CACNB4: variants seen among roughly 807,000 people sequenced by gnomAD.
CACNB4 encodes the protein calcium voltage-gated channel auxiliary subunit beta 4.
A neutral mutation model predicts 71.2 loss-of-function variants in CACNB4; 32 were observed. The observed-to-expected ratio is 0.45, with a 90% CI of 0.34 to 0.60. CACNB4 has a LOEUF of 0.60. CACNB4 is among the 20% of genes least tolerant of loss of function. The pLI is 0.01. For missense variants in CACNB4, 464 were observed against 647.9 expected (o/e 0.72, Z 3.08); for synonymous variants, 231 against 236.9 (o/e 0.97, Z 0.23).
At chr2:151,844,462 A>C (rs754457208) in intron 12 of CACNB4, among the ~76,000 whole-genome samples, 1 of 152,184 alleles carries the variant, frequency 6.6e-6, no homozygotes, top group Non-Finnish European at 1.5e-5. Flanking sequence ...AAGAGATCAT[A>C]TGGCCATGAG....
At chr2:151,959,455 T>C (rs2151690840) in intron 2 of CACNB4, among the ~76,000 whole-genome samples, 1 of 152,350 alleles carries the variant, frequency 6.6e-6, no homozygotes, top group East Asian at 1.9e-4. Context: ...GTCACTAAGT[T>C]AGACTCAAAT....
intron 2 of CACNB4, chr2:151,973,382 CT>C (rs1266078219): frequency 2.3e-6 from 1 of 427,490 alleles, no homozygotes; most frequent in Non-Finnish European, 4.2e-6. Context: ...GCAGTTACCC[CT>C]GGTGAGATCA....
chr2:151,876,730 T>TATA (rs1491169835), intron 4 of CACNB4, among the ~76,000 whole-genome samples, 174 bp from the exon 5 acceptor site: 4 of 65,896 alleles, frequency 6.1e-5, no homozygotes, highest in African/African-American at 1.9e-4. Context: ...TATACTATAC[T>TATA]ATAGACTATA....
intron 2 of CACNB4, among the ~76,000 whole-genome samples, chr2:152,065,145 G>A (rs1686237505): frequency 6.6e-6 from 1 of 152,186 alleles, no homozygotes; most frequent in African/African-American, 2.4e-5. Context: ...CACTTTGGGA[G>A]ACCGAGGTGG....
intron 2 of CACNB4, among the ~76,000 whole-genome samples, chr2:151,922,652 G>A (rs2099859265): frequency 6.6e-6 from 1 of 152,176 alleles, no homozygotes; most frequent in African/African-American, 2.4e-5. Context: ...GGGCTTATAT[G>A]ATTCATGACA....
At chr2:152,066,167 G>A (rs1392630421) in intron 2 of CACNB4, among the ~76,000 whole-genome samples, 3 of 152,056 alleles carry the variant, frequency 2.0e-5, no homozygotes, top group African/African-American at 7.2e-5. Flanking sequence ...ATTCAAACAG[G>A]TATAATCAGA....
intron 2 of CACNB4, among the ~76,000 whole-genome samples, chr2:151,985,801 G>A (rs1038119425): frequency 6.6e-6 from 1 of 151,770 alleles, no homozygotes; most frequent in Non-Finnish European, 1.5e-5. Flanking sequence ...CAGAGACTGT[G>A]GTGTTCATGT....
chr2:152,076,690 A>C (rs977797105), intron 2 of CACNB4, among the ~76,000 whole-genome samples: 2 of 146,920 alleles, frequency 1.4e-5, no homozygotes, highest in Admixed American at 7.0e-5. Flanking sequence ...TACCTCACTC[A>C]GCTGATAATA....
intron 2 of CACNB4, among the ~76,000 whole-genome samples, chr2:151,913,875 G>C (rs10189865): frequency 0.95 from 144,869 of 152,186 alleles, 69,361 homozygotes; most frequent in East Asian, 1. Context: ...CTTTGCAGGT[G>C]ACCTGGCCTT....
chr2:152,040,757 A>G (rs575719158), intron 2 of CACNB4, among the ~76,000 whole-genome samples: 15 of 152,346 alleles, frequency 9.8e-5, no homozygotes, highest in Non-Finnish European at 1.3e-4. Context: ...TTAAATTTAA[A>G]AAGAAGTTTT....
chr2:151,944,278 G>T (rs2099865021), intron 2 of CACNB4, among the ~76,000 whole-genome samples: 1 of 151,950 alleles, frequency 6.6e-6, no homozygotes, highest in Non-Finnish European at 1.5e-5. Context: ...GGCCTCAAGT[G>T]ATCCTCCCAC....
rs191260756 is a variant in CACNB4 at position 151,889,390 on chromosome 2, C to T, written c.148-6020G>A. On this transcript the variant is annotated intron_variant, in intron 2 of 13. Transcript: ENST00000539935. ...CTGAGACAGGAGAATTGTTTGAACC[C>T]AGGAGAAGGAGGTTGCAGTGAGCCG... Among the ~76,000 whole-genome samples the T allele has an allele frequency of 2.1e-4, 31 of 149,546 alleles. No homozygotes were observed. The South Asian group carries it at 5.7e-3, about 27-fold the overall frequency.
At chr2:151,942,581 T>G (rs2099864535) in intron 2 of CACNB4, among the ~76,000 whole-genome samples, 2 of 148,750 alleles carry the variant, frequency 1.3e-5, no homozygotes, top group Admixed American at 1.3e-4. Flanking sequence ...AAAAGAGCCA[T>G]ATTTTTCTTC....
At chr2:151,890,016 G>GT (rs1246638598) in intron 2 of CACNB4, among the ~76,000 whole-genome samples, 1 of 152,040 alleles carries the variant, frequency 6.6e-6, no homozygotes, top group Non-Finnish European at 1.5e-5. Context: ...ACCCTCATGA[G>GT]TTTTTTTGTT....
intron 2 of CACNB4, among the ~76,000 whole-genome samples, chr2:152,086,717 T>C (rs191720072): frequency 1.1e-4 from 17 of 152,368 alleles, no homozygotes; most frequent in East Asian, 3.9e-4. Context: ...CTATTGTTCA[T>C]ATACTTTTCT....
chr2:151,870,224 C>G (rs1238167620), intron 8 of CACNB4: 1 of 701,412 alleles, frequency 1.4e-6, no homozygotes, highest in African/African-American at 1.7e-5. Flanking sequence ...TGAGAATGGT[C>G]AAGACAGATA....
intron 2 of CACNB4, among the ~76,000 whole-genome samples, chr2:151,987,679 CGCCAT>C (rs1296379754): frequency 6.7e-6 from 1 of 149,340 alleles, no homozygotes; most frequent in African/African-American, 2.6e-5. Flanking sequence ...CACTGTAAAT[CGCCAT>C]GCCAGCACTT....
At chr2:152,000,402 G>A (rs1006248056) in intron 2 of CACNB4, among the ~76,000 whole-genome samples, 3 of 152,194 alleles carry the variant, frequency 2.0e-5, no homozygotes, top group Admixed American at 2.0e-4. Flanking sequence ...TCTGTAAAAT[G>A]GGAATAAGAA....
rs2099834301 is a variant in CACNB4 at position 151,833,785 on chromosome 2, AATCT to A, written c.*5330_*5333del. 1 of 152,100 alleles carries A rather than the reference AATCT, an allele frequency of 6.6e-6. No individual in the cohort carries two copies. The highest frequency in any genetic ancestry group is 1.5e-5 in the Non-Finnish European group (1 of 67,940). 9.4% of individuals were successfully genotyped at this position (152,100 alleles called of 1,614,324 possible). On this transcript the variant is annotated 3_prime_UTR_variant, in exon 14 of 14. Transcript: ENST00000539935. ...ATAACAAATGTGCTTCTTTCTCCTC[AATCT>A]ATTTTTATATTATTGGCAAAATATA...
Sources: gnomAD v4.1 joint callset for allele counts (sites outside exome capture counted in the v4.1 genomes callset) on GRCh38, gnomAD v4.1.1 for gene constraint, MANE v1.5 for transcripts, NCBI Gene and HGNC (gene_info 2026-07-23, HGNC 2026-07-21) for gene names.